Variants in YTHDF3 observed in about 807,000 individuals in gnomAD.
YTHDF3 encodes YTH domain-containing family protein 3.
A neutral mutation model predicts 52.5 loss-of-function variants in YTHDF3; 9 were observed. The observed-to-expected ratio is 0.17, with a 90% CI of 0.10 to 0.30. The LOEUF (loss-of-function observed/expected upper bound fraction) is 0.30, where lower values mean the gene tolerates loss of function less well. Among genes scored for constraint, YTHDF3 ranks in the 10% least tolerant of loss-of-function variants. YTHDF3 has a pLI of 1.00. For synonymous variants in YTHDF3, 274 were observed against 243.3 expected, an observed-to-expected ratio of 1.13 and a Z score of -1.18; for missense variants, 534 against 715.0, an observed-to-expected ratio of 0.75 and a Z score of 2.89.
chr8:63,207,026 T>G (rs1327696279), intron 4 of YTHDF3, among the ~76,000 whole-genome samples: 2 of 152,232 alleles, frequency 1.3e-5, no homozygotes, highest in Non-Finnish European at 2.9e-5. Context: ...TTCTGTATAC[T>G]CAATCTGTAT....
At position 63,168,824 on chromosome 8, in the gene YTHDF3, C is replaced by G. The variant is rs1464337754; in HGVS notation, c.-54C>G. Reference sequence around the variant, plus strand: ...GCGACAGCCAACTGCTGTGAGTGCACGGGGAGAGGCCCAGGCAGCGGCGGC... The same window carrying G: ...GCGACAGCCAACTGCTGTGAGTGCAGGGGGAGAGGCCCAGGCAGCGGCGGC... On this transcript the variant is annotated 5_prime_UTR_variant, in exon 1 of 5. Coordinates refer to ENST00000539294, the MANE Select transcript of YTHDF3 (RefSeq NM_152758.6). The G allele has an allele frequency of 5.2e-6, 8 of 1,550,982 alleles. No homozygotes were observed. The African/African-American group carries it at 8.2e-5, about 16-fold the overall frequency.
Position 63,186,808 on chromosome 8 carries a change from C to T in YTHDF3, c.797C>T (p.Pro266Leu), listed in dbSNP as rs1444993722. The T allele has an allele frequency of 6.2e-7, 1 of 1,613,946 alleles. No individual in the cohort carries two copies. Among genetic ancestry groups the T allele is most frequent in the East Asian group, 2.2e-5 (1 of 44,884 alleles). The stretch of plus-strand genomic sequence containing the variant: ...GTGGGAATTGGGGGTTCTGCTGTAC[C>T]ACCACCTCCTATAAAACACAACATG... ...GNVGIGGSAV[P>L]PPPIKHNMNI... Residue 266 changes from proline to leucine, a missense_variant, in exon 4 of 5, where the codon CCA (proline) becomes CTA (leucine). This residue lies in a region of YTHDF3 where 203 missense variants were observed against 201.3 expected (regional missense o/e 1.01). Transcript: ENST00000539294.
intron 1 of YTHDF3, 91 bp from the exon 2 acceptor site, chr8:63,169,296 A>G: frequency 6.7e-7 from 1 of 1,501,308 alleles, no homozygotes; most frequent in Non-Finnish European, 9.0e-7. Context: ...ATAGTCTAAA[A>G]TAACTTGTCT....
chr8:63,192,806 C>A (rs1216360803), intron 4 of YTHDF3, among the ~76,000 whole-genome samples: 1 of 145,552 alleles, frequency 6.9e-6, no homozygotes, highest in Non-Finnish European at 1.5e-5. Context: ...ATTTTCTTTA[C>A]TACTTATGCC....
chr8:63,179,029 T>C (rs1484164703), intron 3 of YTHDF3, among the ~76,000 whole-genome samples: 1 of 152,208 alleles, frequency 6.6e-6, no homozygotes, highest in East Asian at 1.9e-4. Context: ...GAAAAGTGTT[T>C]AACAAGTCTT....
intron 2 of YTHDF3, 187 bp downstream of exon 2, chr8:63,169,598 C>T: frequency 1.6e-6 from 1 of 631,602 alleles, no homozygotes; most frequent in Non-Finnish European, 2.8e-6. Flanking sequence ...TTTGAAGCCA[C>T]TTTATAGAAA....
chr8:63,189,922 C>T (rs1031701733), intron 4 of YTHDF3, among the ~76,000 whole-genome samples: 3 of 152,080 alleles, frequency 2.0e-5, no homozygotes, highest in African/African-American at 7.2e-5. Flanking sequence ...TGTTTTCTCC[C>T]ACTTAAATAT....
At chr8:63,187,862 T>A (rs1808630883) in intron 4 of YTHDF3, 117 bp downstream of exon 4, 1 of 1,133,462 alleles carries the variant, frequency 8.8e-7, no homozygotes, top group Non-Finnish European at 1.2e-6. Context: ...AAGAAACAAC[T>A]CTACAAACAC....
chr8:63,197,267 A>G (rs1809299192), intron 4 of YTHDF3, among the ~76,000 whole-genome samples: 2 of 152,256 alleles, frequency 1.3e-5, no homozygotes, highest in African/African-American at 4.8e-5. Context: ...AATGCTTTGA[A>G]GAATCTCTTC....
chr8:63,212,377 G>A lies in YTHDF3; in HGVS notation c.*2671G>A, dbSNP rs1810411367. The A allele has an allele frequency of 1.3e-5, 2 of 152,496 alleles. No homozygotes were observed. Among genetic ancestry groups the A allele is most frequent in the African/African-American group, 4.8e-5 (2 of 41,416 alleles). 9.4% of individuals were successfully genotyped at this position (152,496 alleles called of 1,614,324 possible). ...TTTAAGTGATCTTTCTAATTCGAAAGCTGTGTTCTTTTTGAATACCGTGCA... is the reference window on the plus strand; with the variant it reads ...TTTAAGTGATCTTTCTAATTCGAAAACTGTGTTCTTTTTGAATACCGTGCA... On this transcript the variant is annotated 3_prime_UTR_variant, in exon 5 of 5. Transcript: ENST00000539294.
At chr8:63,183,985 G>C (rs1423935336) in intron 3 of YTHDF3, among the ~76,000 whole-genome samples, 1 of 152,084 alleles carries the variant, frequency 6.6e-6, no homozygotes, top group African/African-American at 2.4e-5. Flanking sequence ...ACCTAATACA[G>C]TGTAAATGGT....
intron 2 of YTHDF3, among the ~76,000 whole-genome samples, chr8:63,170,635 A>G (rs1225412768): frequency 6.6e-6 from 1 of 152,190 alleles, no homozygotes; most frequent in Non-Finnish European, 1.5e-5. Context: ...TTTAAAAAGA[A>G]TGATCCATTA....
chr8:63,196,368 C>T (rs1318807762), intron 4 of YTHDF3, among the ~76,000 whole-genome samples: 2 of 151,612 alleles, frequency 1.3e-5, no homozygotes, highest in Non-Finnish European at 2.9e-5. Context: ...TTGAGACCAG[C>T]GTGGCCAACA....
intron 3 of YTHDF3, among the ~76,000 whole-genome samples, chr8:63,178,628 A>T (rs1344493566): frequency 6.6e-6 from 1 of 152,242 alleles, no homozygotes; most frequent in Non-Finnish European, 1.5e-5. Flanking sequence ...GTGGTACTAA[A>T]TAGATTTTCA....
chr8:63,195,159 G>A (rs1809154645), intron 4 of YTHDF3, among the ~76,000 whole-genome samples: 1 of 152,126 alleles, frequency 6.6e-6, no homozygotes, highest in Admixed American at 6.5e-5. Flanking sequence ...GAAGGGTATT[G>A]GTGAAGCTTC....
chr8:63,202,462 CTTTTT>C (rs5891892), intron 4 of YTHDF3, among the ~76,000 whole-genome samples: 2 of 128,030 alleles, frequency 1.6e-5, no homozygotes, highest in Non-Finnish European at 3.3e-5. Context: ...TTGTTCTACT[CTTTTT>C]TTTTTTTTTT....
chr8:63,192,703 T>C (rs934072349), intron 4 of YTHDF3, among the ~76,000 whole-genome samples: 7 of 152,220 alleles, frequency 4.6e-5, no homozygotes, highest in Admixed American at 1.3e-4. Flanking sequence ...TCAAATACTT[T>C]GGTCATTTTA....
rs1171282361 is a variant in YTHDF3, at chr8:63,201,139, TA to T, written c.1735-8543del. Among the ~76,000 whole-genome samples, 5 of 152,320 alleles carry T rather than the reference TA, an allele frequency of 3.3e-5. No individual in the cohort carries two copies. The East Asian group carries it at 7.7e-4, about 23-fold the overall frequency. Reference sequence around the variant, plus strand: ...GCAAGGAAGTTACATACAAATTAGATATGTTGAAGTGTCACTTTAGAAATAT... The same window carrying T: ...GCAAGGAAGTTACATACAAATTAGATTGTTGAAGTGTCACTTTAGAAATAT... On this transcript the variant is annotated intron_variant, in intron 4 of 4. Coordinates refer to ENST00000539294, the MANE Select transcript of YTHDF3 (RefSeq NM_152758.6).
At chr8:63,183,931 A>G (rs1006832746) in intron 3 of YTHDF3, among the ~76,000 whole-genome samples, 1 of 152,222 alleles carries the variant, frequency 6.6e-6, no homozygotes, top group African/African-American at 2.4e-5. Context: ...TAACCTATGC[A>G]CATCCTCCTG....
Sources: gnomAD v4.1 joint callset for allele counts (sites outside exome capture counted in the v4.1 genomes callset) on GRCh38, gnomAD v4.1.1 for gene constraint, gnomAD v4.1.1 regional missense constraint, MANE v1.5 for transcripts, NCBI Gene and HGNC (gene_info 2026-07-23, HGNC 2026-07-21) for gene names.